The following RPS6KA1 variants were observed in gnomAD, a reference collection of about 807,000 sequenced individuals.
The protein encoded by RPS6KA1 is ribosomal protein S6 kinase A1.
In RPS6KA1, 48 loss-of-function variants were observed where a neutral mutation model predicts 91.3. The observed-to-expected ratio is 0.53, with a 90% CI of 0.42 to 0.67. RPS6KA1 has a LOEUF of 0.67. RPS6KA1 is among the 30% of genes least tolerant of loss of function. The pLI is 0.00. For synonymous variants in RPS6KA1, 359 were observed against 384.7 expected, an observed-to-expected ratio of 0.93 and a Z score of 0.78; for missense variants, 719 against 960.5, an observed-to-expected ratio of 0.75 and a Z score of 3.32.
At position 26,561,503 on chromosome 1, in the gene RPS6KA1, A is replaced by C; in HGVS notation, c.1432-2A>C. 6.2e-7 allele frequency: 1 copy of C among 1,614,176 alleles called. No homozygotes were observed. The highest frequency in any genetic ancestry group is 8.5e-7 in the Non-Finnish European group (1 of 1,180,016). On this transcript the variant is annotated splice_acceptor_variant, in intron 16 of 21. Coordinates refer to ENST00000374168, the MANE Select transcript of RPS6KA1 (RefSeq NM_002953.4). LOFTEE classifies it high-confidence loss of function. This position sits in a 1 kb window ranked among gnomAD's most constrained non-coding sequence, Gnocchi z 5.7. ...AGAGCCTGATGGTGAGGTCTTCGGC[A>C]GGTGTATGATGATGGCAAACACGTG...
intron 6 of RPS6KA1, chr1:26,552,875 C>T: frequency 2.4e-6 from 1 of 414,302 alleles, no homozygotes. Context: ...CCCACCCCAG[C>T]CCCCTCTATT....
intron 17 of RPS6KA1, among the ~76,000 whole-genome samples, chr1:26,568,831 G>A (rs895066118): frequency 1.5e-4 from 23 of 152,186 alleles, no homozygotes; most frequent in Non-Finnish European, 3.1e-4. Flanking sequence ...ACACTAAACT[G>A]GAAAGACTAT....
At chr1:26,530,075 C>A (rs1570412886) in intron 1 of RPS6KA1, 92 bp downstream of exon 1, 2 of 894,842 alleles carry the variant, frequency 2.2e-6, no homozygotes, top group Non-Finnish European at 2.9e-6. Flanking sequence ...TGCAGTCCGG[C>A]GGGCGCCCGC....
intron 6 of RPS6KA1, chr1:26,553,010 A>G: frequency 3.6e-6 from 1 of 279,772 alleles, no homozygotes; most frequent in Non-Finnish European, 7.1e-6. Context: ...TATTCTGTAT[A>G]CACTGTTCTG....
In RPS6KA1 at chr1:26,573,264, G is replaced by A. The variant is rs778048097; in HGVS notation, c.1988G>A (p.Arg663His). ...ATGCTACACGTGGATCCCCACCAGC[G>A]CCTCACAGCTAAGCAGGTTCTGCAG... ...SKMLHVDPHQ[R>H]LTAKQVLQHP... The change falls in exon 21 of 22, where the codon CGC (arginine) becomes CAC (histidine). Residue 663 changes from arginine to histidine, a missense_variant. Transcript: ENST00000374168. 5 of 1,614,032 alleles carry A rather than the reference G, an allele frequency of 3.1e-6. No homozygotes were observed. Among genetic ancestry groups the A allele is most frequent in the Non-Finnish European group, 3.4e-6 (4 of 1,180,014 alleles).
Position 26,555,077 on chromosome 1 carries a change from G to A in RPS6KA1, c.757-74G>A. 1 of 1,421,972 alleles carries A rather than the reference G, an allele frequency of 7.0e-7. No individual in the cohort carries two copies. Among genetic ancestry groups the A allele is most frequent in the Admixed American group, 1.7e-5 (1 of 58,304 alleles). 88.1% of individuals were successfully genotyped at this position (1,421,972 alleles called of 1,614,324 possible). On this transcript the variant is annotated intron_variant, in intron 9 of 21. Transcript: ENST00000374168. This position sits in a 1 kb window ranked among gnomAD's most constrained non-coding sequence, Gnocchi z 4.3. ...AAGAATCCTGGGACTGGGGCAGAGG[G>A]GTCTGACTGGGAGGAGGCGGGAGGT...
chr1:26,574,477 A>C lies in RPS6KA1; in HGVS notation c.*276A>C, dbSNP rs1428052036. On this transcript the variant is annotated 3_prime_UTR_variant, in exon 22 of 22. Coordinates refer to ENST00000374168, the MANE Select transcript of RPS6KA1 (RefSeq NM_002953.4). The surrounding 1 kb of genome is among the most constrained non-coding windows in gnomAD (Gnocchi z 4.3). Reference sequence around the variant, plus strand: ...GCATCAACCACCATGGATTTTTACAAGATCCATTTGCCTTTCTGGGAGCAG... The same window carrying C: ...GCATCAACCACCATGGATTTTTACACGATCCATTTGCCTTTCTGGGAGCAG... 2 of 604,960 alleles carry C rather than the reference A, an allele frequency of 3.3e-6. No individual in the cohort carries two copies. The highest frequency in any genetic ancestry group is 6.4e-6 in the Non-Finnish European group (2 of 311,336). The allele number at this position is 604,960 out of a possible 1,614,324, so 37.5% of individuals were successfully genotyped here. A position where few individuals can be genotyped will look rare whatever the true frequency, so the allele number is the denominator to read the frequency against.
At chr1:26,546,095 G>C in intron 2 of RPS6KA1, 1 of 1,579,512 alleles carries the variant, frequency 6.3e-7, no homozygotes, top group Non-Finnish European at 8.6e-7. Context: ...AGGTGCCTGG[G>C]AAGCCAGCTT....
Position 26,561,661 on chromosome 1 carries a change from G to C in RPS6KA1, c.1588G>C (p.Gly530Arg), listed in dbSNP as rs760553222. The part of the protein sequence containing the change: ...GKTVEYLHSQ[G>R]VVHRDLKPSN... ...AACTGTGGAGTATCTGCACTCACAG[G>C]GGGTGAGTCTGGATTCGGGGAGGCA... is the stretch of plus-strand genomic sequence containing the variant. Residue 530 changes from glycine (G) to arginine (R), a missense_variant and splice_region_variant, in exon 17 of 22, where the codon GGG becomes CGG. Transcript: ENST00000374168. The surrounding 1 kb of genome is among the most constrained non-coding windows in gnomAD (Gnocchi z 5.7). 1.5e-5 allele frequency: 24 copies of C among 1,598,864 alleles called. No homozygotes were observed. The South Asian group carries it at 2.4e-4, about 16-fold the overall frequency.
At chr1:26,534,092 T>C (rs2075888941) in intron 1 of RPS6KA1, among the ~76,000 whole-genome samples, 1 of 152,182 alleles carries the variant, frequency 6.6e-6, no homozygotes. Context: ...CACCTCTAGG[T>C]ACACCTACCC....
chr1:26,573,990 T>C, intron 21 of RPS6KA1, 89 bp from the exon 22 acceptor site: 1 of 1,449,398 alleles, frequency 6.9e-7, no homozygotes, highest in South Asian at 1.3e-5. Context: ...TGTGGAACAC[T>C]GAGAGGGGCT....
chr1:26,572,583 T>C (rs1403627917), intron 20 of RPS6KA1, among the ~76,000 whole-genome samples: 1 of 152,006 alleles, frequency 6.6e-6, no homozygotes, highest in African/African-American at 2.4e-5. Context: ...TAGTGAGGGA[T>C]ACAGGTTTGC....
In RPS6KA1 at chr1:26,561,979, G is replaced by A. The variant is rs776978032; in HGVS notation, c.1590+316G>A. On this transcript the variant is annotated intron_variant, in intron 17 of 21. Transcript: ENST00000374168. This position sits in a 1 kb window ranked among gnomAD's most constrained non-coding sequence, Gnocchi z 5.7. ...GCAACTTGGGAGGGCAACGCAGGTGGATCACTTGAGGTCAGGAGTTTGACA... is the reference window on the plus strand; with the variant it reads ...GCAACTTGGGAGGGCAACGCAGGTGAATCACTTGAGGTCAGGAGTTTGACA... 6.6e-6 allele frequency among the ~76,000 whole-genome samples: 1 copy of A among 152,158 alleles called. No individual in the cohort carries two copies. Among genetic ancestry groups the A allele is most frequent in the South Asian group, 2.1e-4 (1 of 4,832 alleles).
At chr1:26,544,882 G>T (rs1399159482) in intron 2 of RPS6KA1, among the ~76,000 whole-genome samples, 1 of 151,966 alleles carries the variant, frequency 6.6e-6, no homozygotes, top group African/African-American at 2.4e-5. Flanking sequence ...TTGGGTACAT[G>T]TCCCCATCTG....
chr1:26,561,446 G>A lies in RPS6KA1; in HGVS notation c.1432-59G>A. ...TTCTTCCCTGCTCTGGGGCGCTGCT[G>A]ACCAGGGGGCTCAGGCCTGACACTG... On this transcript the variant is annotated intron_variant, in intron 16 of 21. Transcript: ENST00000374168. The surrounding 1 kb of genome is among the most constrained non-coding windows in gnomAD (Gnocchi z 5.7). 1 of 1,609,088 alleles carries A rather than the reference G, an allele frequency of 6.2e-7. No individual in the cohort carries two copies. Among genetic ancestry groups the A allele is most frequent in the Non-Finnish European group, 8.5e-7 (1 of 1,175,876 alleles).
At chr1:26,546,735 C>T (rs1436538998) in intron 2 of RPS6KA1, 132 bp from the exon 3 acceptor site, 4 of 658,602 alleles carry the variant, frequency 6.1e-6, no homozygotes, top group Middle Eastern at 3.4e-4. Context: ...TGGAGGCTAG[C>T]CCTTCAGGGA....
chr1:26,530,999 G>A, intron 1 of RPS6KA1: 2 of 933,690 alleles, frequency 2.1e-6, no homozygotes, highest in Non-Finnish European at 2.7e-6. Context: ...CTCCCAGCTT[G>A]GGCCTGGAGC....
At chr1:26,568,416 T>G (rs2076222416) in intron 17 of RPS6KA1, among the ~76,000 whole-genome samples, 1 of 152,206 alleles carries the variant, frequency 6.6e-6, no homozygotes, top group African/African-American at 2.4e-5. Flanking sequence ...CCTATAGGAA[T>G]TTGTAGTTTC....
chr1:26,552,742 C>T, intron 6 of RPS6KA1: 1 of 277,656 alleles, frequency 3.6e-6, no homozygotes, highest in Admixed American at 4.5e-5. Flanking sequence ...CTGCCTCAGC[C>T]TCCCAAACTG....
Sources: gnomAD v4.1 joint callset for allele counts (sites outside exome capture counted in the v4.1 genomes callset) on GRCh38, gnomAD v4.1.1 for gene constraint, Gnocchi (gnomAD v3.1) non-coding constraint, MANE v1.5 for transcripts, NCBI Gene and HGNC (gene_info 2026-07-23, HGNC 2026-07-21) for gene names.